Variants in MACROD2 observed in about 807,000 individuals in gnomAD.
MACROD2 encodes mono-ADP ribosylhydrolase 2, also known as ADP-ribose glycohydrolase MACROD2.
A neutral mutation model predicts 70.4 loss-of-function variants in MACROD2; 36 were observed. That is an observed-to-expected ratio of 0.51 (90% CI 0.39 to 0.68). MACROD2 has a LOEUF of 0.68. Ranked by LOEUF, MACROD2 falls within the 30% of genes least tolerant of loss-of-function variation. MACROD2 has a pLI of 0.00. For missense variants in MACROD2, 496 were observed against 538.4 expected (o/e 0.92, Z 0.78); for synonymous variants, 172 against 178.8 (o/e 0.96, Z 0.30).
At chr20:15,233,144 A>G (rs2076973854) in intron 6 of MACROD2, among the ~76,000 whole-genome samples, 2 of 152,230 alleles carry the variant, frequency 1.3e-5, no homozygotes, top group South Asian at 4.1e-4. Flanking sequence ...CCAGAGATGC[A>G]TGAAATTCCA....
chr20:14,537,155 A>G (rs1600356212), intron 4 of MACROD2, among the ~76,000 whole-genome samples: 1 of 152,196 alleles, frequency 6.6e-6, no homozygotes, highest in African/African-American at 2.4e-5. Context: ...TTGGTGAAGA[A>G]AGCTCATATG....
intron 5 of MACROD2, among the ~76,000 whole-genome samples, chr20:14,830,260 GT>G: frequency 6.6e-6 from 1 of 152,182 alleles, no homozygotes; most frequent in South Asian, 2.1e-4. Context: ...GTCTCTCTGA[GT>G]GGTAATTGGG....
chr20:15,129,925 A>G (rs1444169127), intron 5 of MACROD2, among the ~76,000 whole-genome samples: 1 of 152,104 alleles, frequency 6.6e-6, no homozygotes, highest in African/African-American at 2.4e-5. Flanking sequence ...GCGTGTGAAG[A>G]GGAACAGAAA....
intron 5 of MACROD2, among the ~76,000 whole-genome samples, chr20:14,847,846 A>G (rs2073159997): frequency 6.6e-6 from 1 of 152,140 alleles, no homozygotes; most frequent in Admixed American, 6.5e-5. Flanking sequence ...AATTCAGTCC[A>G]GTTTAAAGTG....
chr20:14,050,831 A>G (rs574016833), intron 2 of MACROD2, among the ~76,000 whole-genome samples: 24 of 152,324 alleles, frequency 1.6e-4, no homozygotes, highest in African/African-American at 3.4e-4. Context: ...TGATTTAGAA[A>G]TAAAGTTGAA....
At chr20:15,725,029 C>G (rs2050840927) in intron 8 of MACROD2, among the ~76,000 whole-genome samples, 1 of 152,064 alleles carries the variant, frequency 6.6e-6, no homozygotes, top group African/African-American at 2.4e-5. Flanking sequence ...TTGCAGTGAG[C>G]CGAGATCACG....
At chr20:14,136,930 T>C (rs1292958766) in intron 3 of MACROD2, among the ~76,000 whole-genome samples, 1 of 152,130 alleles carries the variant, frequency 6.6e-6, no homozygotes, top group Non-Finnish European at 1.5e-5. Context: ...CCCCAAAACA[T>C]AGCACTTAAT....
chr20:15,521,183 G>C (rs1425551337), intron 8 of MACROD2, among the ~76,000 whole-genome samples: 1 of 152,166 alleles, frequency 6.6e-6, no homozygotes, highest in Non-Finnish European at 1.5e-5. Flanking sequence ...ACGAGGTGAA[G>C]AATCGTGCAT....
intron 9 of MACROD2, among the ~76,000 whole-genome samples, chr20:15,884,148 G>A (rs911475432): frequency 3.9e-5 from 6 of 152,024 alleles, no homozygotes; most frequent in Admixed American, 3.3e-4. Context: ...GGAGGAGCCA[G>A]GATGCAAACC....
rs528377348 is a variant in MACROD2, at chr20:15,649,168, C to G, written c.645+149321C>G. The stretch of plus-strand genomic sequence containing the variant: ...CTTTCTTTCTTTTCTTTCTTTCTCT[C>G]TTTCTCTTTCTCCTTCTTTTTCCTT... On this transcript the variant is annotated intron_variant, in intron 8 of 17. Coordinates refer to ENST00000684519, the MANE Select transcript of MACROD2 (RefSeq NM_001351661.2). Among the ~76,000 whole-genome samples, 495 of 134,970 alleles carry G rather than the reference C, an allele frequency of 3.7e-3. 1 individual carries two copies. The highest frequency in any genetic ancestry group is 4.9e-3 in the Non-Finnish European group (314 of 64,330). The allele number at this position is 134,970 out of a possible 152,430, so 88.5% of individuals were successfully genotyped here.
chr20:15,014,174 C>G (rs2075104266), intron 5 of MACROD2, among the ~76,000 whole-genome samples: 1 of 152,156 alleles, frequency 6.6e-6, no homozygotes, highest in South Asian at 2.1e-4. Flanking sequence ...CCCTGGTTGT[C>G]TGGTGTGAAG....
chr20:15,115,398 T>G (rs2123232520), intron 5 of MACROD2, among the ~76,000 whole-genome samples: 1 of 152,102 alleles, frequency 6.6e-6, no homozygotes, highest in Middle Eastern at 3.4e-3. Context: ...CCCAGCTAAT[T>G]TTTTTTGTAG....
intron 2 of MACROD2, among the ~76,000 whole-genome samples, chr20:14,010,672 T>C (rs1422388126): frequency 1.4e-5 from 2 of 146,876 alleles, no homozygotes; most frequent in Non-Finnish European, 3.0e-5. Context: ...TTCTTTCTCA[T>C]TGTCTGGCAC....
intron 8 of MACROD2, among the ~76,000 whole-genome samples, chr20:15,814,655 A>G (rs1384219424): frequency 6.6e-6 from 1 of 152,244 alleles, no homozygotes; most frequent in Non-Finnish European, 1.5e-5. Flanking sequence ...TCTGTTCATA[A>G]CAGTTTGTCC....
intron 6 of MACROD2, among the ~76,000 whole-genome samples, chr20:15,294,273 G>C (rs1034765068): frequency 2.0e-5 from 3 of 152,076 alleles, no homozygotes; most frequent in African/African-American, 7.2e-5. Context: ...ATCTCCAGGT[G>C]ACCTCTTTCC....
intron 2 of MACROD2, among the ~76,000 whole-genome samples, chr20:14,008,771 A>G (rs887597401): frequency 2.6e-5 from 4 of 152,208 alleles, no homozygotes; most frequent in Non-Finnish European, 5.9e-5. Flanking sequence ...AAGAACAGAC[A>G]TAGACCAGTG....
At chr20:14,760,831 G>T (rs1274117637) in intron 5 of MACROD2, among the ~76,000 whole-genome samples, 1 of 151,984 alleles carries the variant, frequency 6.6e-6, no homozygotes, top group Non-Finnish European at 1.5e-5. Flanking sequence ...ATTTTTACTA[G>T]CAATTTACAA....
At chr20:14,947,789 A>G (rs2074444543) in intron 5 of MACROD2, among the ~76,000 whole-genome samples, 1 of 152,038 alleles carries the variant, frequency 6.6e-6, no homozygotes, top group Non-Finnish European at 1.5e-5. Context: ...GCAGGTGAGG[A>G]CTGCAGTTTG....
intron 3 of MACROD2, among the ~76,000 whole-genome samples, chr20:14,292,921 C>T (rs1257583060): frequency 6.6e-6 from 1 of 151,896 alleles, no homozygotes; most frequent in Admixed American, 6.6e-5. Context: ...AGGCATGAGC[C>T]ACAGCGCCTG....
Sources: allele counts gnomAD v4.1 joint callset (sites outside exome capture counted in the v4.1 genomes callset), GRCh38; gene constraint gnomAD v4.1.1; transcripts MANE v1.5; gene names NCBI Gene and HGNC (gene_info 2026-07-23, HGNC 2026-07-21).